CAST: variants seen among roughly 807,000 people sequenced by gnomAD.
CAST encodes MIR583 host.
In CAST, 76 loss-of-function variants were observed where a neutral mutation model predicts 119.6. The ratio of observed to expected loss-of-function variants is 0.64; its 90% CI spans 0.53 to 0.77. The LOEUF is 0.77. Among genes scored for constraint, CAST ranks in the 30% least tolerant of loss-of-function variants. CAST has a pLI of 0.00. For missense variants in CAST, 953 were observed against 946.5 expected, an observed-to-expected ratio of 1.01 and a Z score of -0.09; for synonymous variants, 319 against 331.6, an observed-to-expected ratio of 0.96 and a Z score of 0.41.
intron 1 of CAST, among the ~76,000 whole-genome samples, chr5:96,534,924 A>G (rs1745776141): frequency 2.0e-5 from 2 of 101,224 alleles, no homozygotes; most frequent in South Asian, 7.4e-4. Context: ...AAGAAAAGGA[A>G]TAAAGAAAGA....
chr5:96,111,738 A>G, the CAST span, among the ~76,000 whole-genome samples: 3 of 152,230 alleles, frequency 2.0e-5, no homozygotes, highest in East Asian at 1.9e-4. Flanking sequence ...GCAAAGCTAC[A>G]TTCAGCAAGT....
the CAST span, among the ~76,000 whole-genome samples, chr5:96,436,506 A>T: frequency 2.0e-5 from 3 of 152,190 alleles, no homozygotes; most frequent in Non-Finnish European, 4.4e-5. Context: ...TTTCTAATTA[A>T]AACATTTTAA....
At chr5:96,275,857 A>G in the CAST span, among the ~76,000 whole-genome samples, 4 of 152,344 alleles carry the variant, frequency 2.6e-5, no homozygotes, top group South Asian at 4.1e-4. Context: ...AATTGCTTCT[A>G]TCTAACAAAT....
the CAST span, among the ~76,000 whole-genome samples, chr5:96,221,792 A>G: frequency 2.0e-5 from 3 of 152,190 alleles, no homozygotes; most frequent in Non-Finnish European, 4.4e-5. Flanking sequence ...AAGAGCCAGA[A>G]GAGTCAAAGG....
At chr5:96,477,037 G>C in the CAST span, among the ~76,000 whole-genome samples, 4 of 146,538 alleles carry the variant, frequency 2.7e-5, no homozygotes, top group African/African-American at 1.0e-4. Context: ...GATCTATCTA[G>C]TAACTAACTG....
chr5:96,426,024 C>G, the CAST span: 1 of 746,548 alleles, frequency 1.3e-6, no homozygotes, highest in Non-Finnish European at 2.4e-6. Context: ...CATCAGAGTT[C>G]AGGCAGCTCT....
chr5:96,650,284 T>G (rs1222987297), intron 1 of CAST, among the ~76,000 whole-genome samples: 1 of 152,182 alleles, frequency 6.6e-6, no homozygotes, highest in African/African-American at 2.4e-5. Flanking sequence ...TCTTCACGCA[T>G]TTTCCTTTTC....
At chr5:96,282,092 G>A in the CAST span, among the ~76,000 whole-genome samples, 452 of 149,772 alleles carry the variant, frequency 3.0e-3, 13 homozygotes, top group East Asian at 0.054. Context: ...CCGTGGTGGT[G>A]ATGAGGGTAG....
chr5:96,468,859 G>A, the CAST span, among the ~76,000 whole-genome samples: 1 of 151,978 alleles, frequency 6.6e-6, no homozygotes, highest in Non-Finnish European at 1.5e-5. Context: ...TCTTTCCACT[G>A]GCCTTCCACA....
intron 1 of CAST, among the ~76,000 whole-genome samples, chr5:96,665,603 T>C (rs1412063945): frequency 6.6e-6 from 1 of 152,140 alleles, no homozygotes; most frequent in Admixed American, 6.5e-5. Context: ...TATGGACTGC[T>C]TTCCCACAAC....
chr5:96,121,431 A>G, the CAST span, among the ~76,000 whole-genome samples: 1 of 151,898 alleles, frequency 6.6e-6, no homozygotes, highest in Non-Finnish European at 1.5e-5. Flanking sequence ...GTGTTTTGTA[A>G]TAATCATAGG....
chr5:96,118,524 G>C, the CAST span, among the ~76,000 whole-genome samples: 3 of 151,992 alleles, frequency 2.0e-5, no homozygotes, highest in African/African-American at 7.2e-5. Flanking sequence ...GTCTGGATTA[G>C]GTCACTTATA....
At chr5:96,463,089 G>A in the CAST span, among the ~76,000 whole-genome samples, 48 of 152,140 alleles carry the variant, frequency 3.2e-4, no homozygotes, top group South Asian at 9.7e-3. Context: ...ATTTATTATC[G>A]TTTCATATCT....
chr5:96,465,963 A>G, the CAST span, among the ~76,000 whole-genome samples: 1 of 152,098 alleles, frequency 6.6e-6, no homozygotes, highest in African/African-American at 2.4e-5. Flanking sequence ...TGATACCTCC[A>G]ATTCCAATCC....
chr5:96,537,272 G>T (rs1745838372), intron 1 of CAST, among the ~76,000 whole-genome samples: 1 of 152,244 alleles, frequency 6.6e-6, no homozygotes, highest in East Asian at 1.9e-4. Context: ...ATTTGAACTG[G>T]ATTCTTTACC....
intron 1 of CAST, among the ~76,000 whole-genome samples, chr5:96,672,269 CTG>C (rs374320058): frequency 7.2e-5 from 11 of 151,878 alleles, no homozygotes; most frequent in Non-Finnish European, 1.6e-4. Context: ...GTATGTATGC[CTG>C]TGTGTGTGTA....
At chr5:96,044,087 T>C in the CAST span, among the ~76,000 whole-genome samples, 1 of 152,212 alleles carries the variant, frequency 6.6e-6, no homozygotes, top group African/African-American at 2.4e-5. Context: ...CCTAATACAA[T>C]ATTTATGTTG....
the CAST span, among the ~76,000 whole-genome samples, chr5:96,384,948 C>T: frequency 1.4e-4 from 21 of 152,284 alleles, no homozygotes; most frequent in African/African-American, 4.1e-4. Context: ...CCTTTTTAAA[C>T]ATACACACCC....
chr5:96,709,425 C>T (rs1345209996), intron 3 of CAST, among the ~76,000 whole-genome samples: 1 of 152,174 alleles, frequency 6.6e-6, no homozygotes, highest in African/African-American at 2.4e-5. Context: ...ACTTAGAATT[C>T]CCTCCCCGTT....
Sources: allele counts gnomAD v4.1 joint callset (sites outside exome capture counted in the v4.1 genomes callset), GRCh38; gene constraint gnomAD v4.1.1; transcripts MANE v1.5; gene names NCBI Gene and HGNC (gene_info 2026-07-23, HGNC 2026-07-21).